Variants in GGCX observed in about 807,000 individuals in gnomAD.
GGCX encodes the protein vitamin K-dependent gamma-carboxylase.
In GGCX, 63 loss-of-function variants were observed where a neutral mutation model predicts 88.5. The ratio of observed to expected loss-of-function variants is 0.71; its 90% CI spans 0.58 to 0.88. The LOEUF (loss-of-function observed/expected upper bound fraction) is 0.88. GGCX is among the 40% of genes least tolerant of loss of function. The probability of loss-of-function intolerance (pLI) is 0.00; values close to 1 mark genes in which losing one functional copy is unlikely to be tolerated. For missense variants in GGCX, 805 were observed against 932.9 expected (o/e 0.86, Z 1.79); for synonymous variants, 368 against 365.8 (o/e 1.01, Z -0.07).
rs1692040005 is a variant in GGCX, at chr2:85,553,092, G to A, written c.1156-22C>T. 5.0e-6 allele frequency: 8 copies of A among 1,614,100 alleles called. No homozygotes were observed. The East Asian group carries it at 1.3e-4, about 27-fold the overall frequency. On this transcript the variant is annotated intron_variant, in intron 8 of 14. Transcript: ENST00000233838. ...AGCCCTGGGAAGGCAGCACAGAGGG[G>A]AATCAGCTCAATGCTTCTCACACTG...
chr2:85,550,812 C>A lies in GGCX; in HGVS notation c.1889-62G>T, dbSNP rs972176489. On this transcript the variant is annotated intron_variant, in intron 13 of 14. Transcript: ENST00000233838. ...TGGATCACTCTCTCCCCTTAGAACT[C>A]CTCTTCTGCCAGCTAGAGACTTCAA... The A allele has an allele frequency of 3.3e-5, 52 of 1,582,506 alleles. 1 individual carries two copies. The highest frequency in any genetic ancestry group is 4.4e-5 in the Non-Finnish European group (51 of 1,152,548).
At position 85,548,154 on chromosome 2, in the gene GGCX, G is replaced by A. The variant is rs1691764290; in HGVS notation, c.*1780C>T. Reference sequence around the variant, plus strand: ...GGTGGCTGCAGTAAGCCAAGATTGTGCCACTGAACTCCAGCCTGGGTGATA... The same window carrying A: ...GGTGGCTGCAGTAAGCCAAGATTGTACCACTGAACTCCAGCCTGGGTGATA... On this transcript the variant is annotated 3_prime_UTR_variant, in exon 15 of 15. Coordinates refer to ENST00000233838, the MANE Select transcript of GGCX (RefSeq NM_000821.7). The A allele has an allele frequency of 1.3e-5, 2 of 152,086 alleles. No individual in the cohort carries two copies. The highest frequency in any genetic ancestry group is 1.3e-4 in the Admixed American group (2 of 15,254). The allele number at this position is 152,086 out of a possible 1,614,324, so 9.4% of individuals were successfully genotyped here.
chr2:85,560,344 T>C (rs927319268), intron 2 of GGCX, among the ~76,000 whole-genome samples: 1 of 152,138 alleles, frequency 6.6e-6, no homozygotes, highest in Admixed American at 6.6e-5. Flanking sequence ...CCCAGCACTT[T>C]GGGAGGCCGA....
chr2:85,549,657 A>G lies in GGCX; in HGVS notation c.*277T>C, dbSNP rs1573316912. 7.2e-6 allele frequency: 3 copies of G among 418,638 alleles called. No individual in the cohort carries two copies. The highest frequency in any genetic ancestry group is 7.4e-5 in the Admixed American group (2 of 27,194). The allele number at this position is 418,638 out of a possible 1,614,324, so 25.9% of individuals were successfully genotyped here. On this transcript the variant is annotated 3_prime_UTR_variant, in exon 15 of 15. Coordinates refer to ENST00000233838, the MANE Select transcript of GGCX (RefSeq NM_000821.7). ...ATTACAGGCGTGAGCCACGGCACCCAGCCCCCAAAAAGCCACTTTAAACCT... is the reference window on the plus strand; with the variant it reads ...ATTACAGGCGTGAGCCACGGCACCCGGCCCCCAAAAAGCCACTTTAAACCT...
At chr2:85,550,484 A>T in intron 14 of GGCX, 71 bp downstream of exon 14, 1 of 1,083,158 alleles carries the variant, frequency 9.2e-7, no homozygotes, top group Non-Finnish European at 1.4e-6. Context: ...CTCTAGAGTT[A>T]CTCTCCCCAG....
Position 85,551,048 on chromosome 2 carries a change from C to T in GGCX, c.1765G>A (p.Val589Met). The T allele has an allele frequency of 6.2e-7, 1 of 1,613,976 alleles. No homozygotes were observed. The highest frequency in any genetic ancestry group is 8.5e-7 in the Non-Finnish European group (1 of 1,179,832). Reference sequence around the variant, plus strand: ...GAAGGGCTAGGTGATGTCGTATACACCTTATGGTACTCACCAGCAGGCAAC... The same window carrying T: ...GAAGGGCTAGGTGATGTCGTATACATCTTATGGTACTCACCAGCAGGCAAC... The part of the protein sequence containing the change: ...MQLPAGEYHK[V>M]YTTSPSPSCY... The change falls in exon 13 of 15, where the codon GTG becomes ATG. Residue 589 changes from valine to methionine, a missense_variant. Transcript: ENST00000233838.
In GGCX at chr2:85,551,630, C is replaced by G. The variant is rs764561796; in HGVS notation, c.1610-20G>C. The stretch of plus-strand genomic sequence containing the variant: ...GCAGTCCTGCCAGACCAACAGAGTT[C>G]ATCATCCCACCCCATGGCAGAGTGA... On this transcript the variant is annotated intron_variant, in intron 11 of 14. Coordinates refer to ENST00000233838, the MANE Select transcript of GGCX (RefSeq NM_000821.7). 1 of 1,612,686 alleles carries G rather than the reference C, an allele frequency of 6.2e-7. No individual in the cohort carries two copies. Among genetic ancestry groups the G allele is most frequent in the Middle Eastern group, 1.7e-4 (1 of 6,046 alleles).
At position 85,549,428 on chromosome 2, in the gene GGCX, C is replaced by T. The variant is rs906037047; in HGVS notation, c.*506G>A. 5.8e-6 allele frequency: 1 copy of T among 171,268 alleles called. No homozygotes were observed. The highest frequency in any genetic ancestry group is 1.3e-5 in the Non-Finnish European group (1 of 78,912). 10.6% of individuals were successfully genotyped at this position (171,268 alleles called of 1,614,324 possible). On this transcript the variant is annotated 3_prime_UTR_variant, in exon 15 of 15. Coordinates refer to ENST00000233838, the MANE Select transcript of GGCX (RefSeq NM_000821.7). ...TTGCCCAGGAGTGCAGTGGCTCGATCTCGGCTCACTGCAACCTCCACCTCC... is the reference window on the plus strand; with the variant it reads ...TTGCCCAGGAGTGCAGTGGCTCGATTTCGGCTCACTGCAACCTCCACCTCC...
chr2:85,550,262 C>CGACAT, intron 14 of GGCX, 136 bp from the exon 15 acceptor site: 1 of 723,104 alleles, frequency 1.4e-6, no homozygotes, highest in South Asian at 1.5e-5. Context: ...AAGTGACCCT[C>CGACAT]CATCTCCCAG....
chr2:85,553,196 C>T, intron 8 of GGCX, 36 bp downstream of exon 8: 6 of 1,613,696 alleles, frequency 3.7e-6, no homozygotes, highest in Non-Finnish European at 5.1e-6. Flanking sequence ...CTTTCTAAGT[C>T]CAGCCTTTGC....
Position 85,555,564 on chromosome 2 carries a change from A to ACCCG in GGCX, c.641_644dup (p.Val216GlyfsTer11). ...CCCAGTCTGCATCCAGCTTTTTCAC[A>ACCCG]CCCGCAATGAAGTACACAATGAAGA... On this transcript the variant is annotated frameshift_variant, in exon 6 of 15. Transcript: ENST00000233838. LOFTEE classifies it high-confidence loss of function. The ACCCG allele has an allele frequency of 6.3e-7, 1 of 1,594,366 alleles. No individual in the cohort carries two copies.
intron 7 of GGCX, among the ~76,000 whole-genome samples, 158 bp downstream of exon 7, chr2:85,553,985 G>T (rs1488868400): frequency 5.9e-5 from 9 of 152,100 alleles, no homozygotes; most frequent in Non-Finnish European, 1.3e-4. Context: ...AGAAGCCCCA[G>T]TCCTCTTATC....
At position 85,554,192 on chromosome 2, in the gene GGCX, C is replaced by T. The variant is rs769712622; in HGVS notation, c.840G>A (p.Leu280=). ...TGCAGTGGAAGTAGGACACAAAGAA[C>T]AGGCCAATGGATCTTGAGACATCAA... The part of the protein sequence containing the change: ...LFFDVSRSIG[L]FFVSYFHCMN... Residue 280 remains leucine (L), a synonymous_variant, in exon 7 of 15, where the codon CTG becomes CTA. Coordinates refer to ENST00000233838, the MANE Select transcript of GGCX (RefSeq NM_000821.7). The T allele has an allele frequency of 9.9e-6, 16 of 1,612,938 alleles. No homozygotes were observed. In the East Asian group the frequency reaches 3.3e-4, roughly 34 times the overall value.
At chr2:85,554,091 C>A (rs561900437) in intron 7 of GGCX, 52 bp downstream of exon 7, 3 of 1,426,798 alleles carry the variant, frequency 2.1e-6, no homozygotes, top group African/African-American at 2.8e-5. Context: ...TCTGGCTAGT[C>A]CCTTCCTGCA....
In GGCX at chr2:85,549,682, T is replaced by C; in HGVS notation, c.*252A>G. 1 of 480,078 alleles carries C rather than the reference T, an allele frequency of 2.1e-6. No individual in the cohort carries two copies. Among genetic ancestry groups the C allele is most frequent in the Non-Finnish European group, 3.8e-6 (1 of 265,038 alleles). 29.7% of individuals were successfully genotyped at this position (480,078 alleles called of 1,614,324 possible). On this transcript the variant is annotated 3_prime_UTR_variant, in exon 15 of 15. Transcript: ENST00000233838. ...AGCCCCCAAAAAGCCACTTTAAACCTTATCCTAGGAGGACAGTTTCACATT... is the reference window on the plus strand; with the variant it reads ...AGCCCCCAAAAAGCCACTTTAAACCCTATCCTAGGAGGACAGTTTCACATT...
In GGCX at chr2:85,551,581, C is replaced by A; in HGVS notation, c.1639G>T (p.Asp547Tyr). Residue 547 changes from aspartate (D) to tyrosine (Y), a missense_variant, in exon 12 of 15, where the codon GAC becomes TAC. Asp to Tyr is a radical substitution (Grantham distance 160). Transcript: ENST00000233838. ...GLHLENFVSE[D>Y]LGNTSIQLLQ... ...AGCTGGATGCTAGTGTTGCCCAGGT[C>A]TTCACTCACAAAATTCTCCAAGTGC... The A allele has an allele frequency of 1.2e-6, 2 of 1,613,908 alleles. No homozygotes were observed. The highest frequency in any genetic ancestry group is 1.7e-6 in the Non-Finnish European group (2 of 1,179,996).
At chr2:85,559,120 A>G (rs1283890412) in intron 2 of GGCX, 45 bp from the exon 3 acceptor site, 1 of 1,526,114 alleles carries the variant, frequency 6.6e-7, no homozygotes. Flanking sequence ...TCAGCTAAGG[A>G]AGCAGTAGAA....
rs1691714091 is a variant in GGCX, at chr2:85,547,241, A to G, written c.*2693T>C. ...TATAACCTGCCTTTCTAAAGTTTCA[A>G]AGGGGATGGATACCCATCAGGGGCA... On this transcript the variant is annotated 3_prime_UTR_variant, in exon 15 of 15. Transcript: ENST00000233838. 6.6e-6 allele frequency: 1 copy of G among 152,210 alleles called. No individual in the cohort carries two copies. 9.4% of individuals were successfully genotyped at this position (152,210 alleles called of 1,614,324 possible).
chr2:85,553,387 T>TC lies in GGCX; in HGVS notation c.999_1000insG (p.Lys334GlufsTer13). The TC allele has an allele frequency of 1.9e-6, 3 of 1,614,214 alleles. No individual in the cohort carries two copies. Among genetic ancestry groups the TC allele is most frequent in the Non-Finnish European group, 2.5e-6 (3 of 1,180,024 alleles). On this transcript the variant is annotated frameshift_variant, in exon 8 of 15. Coordinates refer to ENST00000233838, the MANE Select transcript of GGCX (RefSeq NM_000821.7). LOFTEE classifies it high-confidence loss of function. The stretch of plus-strand genomic sequence containing the variant: ...GAAACACTGGGCTGAGGGGCTGCCT[T>TC]GAGGGGCAACAGTTGTTGCAACCTT...
Sources: gnomAD v4.1 joint callset for allele counts (sites outside exome capture counted in the v4.1 genomes callset) on GRCh38, gnomAD v4.1.1 for gene constraint, MANE v1.5 for transcripts, NCBI Gene and HGNC (gene_info 2026-07-23, HGNC 2026-07-21) for gene names.